The following CFAP54 variants were observed in gnomAD, a reference collection of about 807,000 sequenced individuals.
The protein encoded by CFAP54 is cilia- and flagella-associated protein 54.
Under a neutral mutation model 370.4 loss-of-function variants are expected in CFAP54, and 290 were observed. That is an observed-to-expected ratio of 0.78 (90% CI 0.71 to 0.86). The LOEUF (loss-of-function observed/expected upper bound fraction) is 0.86. Ranked by LOEUF, CFAP54 falls within the 40% of genes least tolerant of loss-of-function variation. The probability of loss-of-function intolerance (pLI) is 0.00; values close to 1 mark genes in which losing one functional copy is unlikely to be tolerated. For synonymous variants in CFAP54, 1,206 were observed against 1,236.5 expected (o/e 0.98, Z 0.52); for missense variants, 3,399 against 3,528.7 (o/e 0.96, Z 0.93).
At chr12:96,820,712 G>T (rs1432445268) in intron 65 of CFAP54, among the ~76,000 whole-genome samples, 1 of 152,056 alleles carries the variant, frequency 6.6e-6, no homozygotes, top group Admixed American at 6.6e-5. Context: ...TCTCAAACTT[G>T]GGAGGTTTTA....
intron 35 of CFAP54, 144 bp downstream of exon 35, chr12:96,650,216 A>G: frequency 1.4e-6 from 1 of 726,022 alleles, no homozygotes; most frequent in East Asian, 2.8e-5. Context: ...GGTGTATCCT[A>G]AGTCACTTTT....
At chr12:96,604,829 G>A (rs1956283983) in intron 26 of CFAP54, among the ~76,000 whole-genome samples, 1 of 152,216 alleles carries the variant, frequency 6.6e-6, no homozygotes, top group African/African-American at 2.4e-5. Flanking sequence ...AAAGACCATG[G>A]GAAAAGCGCA....
chr12:96,667,489 G>T (rs1957095387), intron 39 of CFAP54, among the ~76,000 whole-genome samples: 1 of 152,208 alleles, frequency 6.6e-6, no homozygotes, highest in Admixed American at 6.5e-5. Context: ...TCAACACCAT[G>T]TGGAAACTTC....
At chr12:96,619,101 C>G (rs1169883498) in intron 26 of CFAP54, among the ~76,000 whole-genome samples, 1 of 152,128 alleles carries the variant, frequency 6.6e-6, no homozygotes, top group Non-Finnish European at 1.5e-5. Context: ...TGAGCTCATG[C>G]AATCCACCTG....
In CFAP54 at chr12:96,817,867, T is replaced by A; in HGVS notation, c.9050T>A (p.Ile3017Lys). 6.6e-7 allele frequency: 1 copy of A among 1,511,746 alleles called. No homozygotes were observed. Among genetic ancestry groups the A allele is most frequent in the Non-Finnish European group, 8.8e-7 (1 of 1,133,490 alleles). The allele number at this position is 1,511,746 out of a possible 1,614,324, so 93.6% of individuals were successfully genotyped here. ...CCTGAAATTACCTCAAATGAAAACA[T>A]ATATGAAGTAGAAGTGGAAGAGGAA... ...AAPEITSNEN[I>K]YEVEVEEESV... The change falls in exon 65 of 68, where the codon ATA becomes AAA. Residue 3017 changes from isoleucine to lysine, a missense_variant. Coordinates refer to ENST00000524981, the MANE Select transcript of CFAP54 (RefSeq NM_001306084.2).
chr12:96,578,283 A>C (rs1181418818), intron 20 of CFAP54, among the ~76,000 whole-genome samples: 1 of 152,188 alleles, frequency 6.6e-6, no homozygotes, highest in African/African-American at 2.4e-5. Context: ...CAACCTTCAT[A>C]GTGCTTTATA....
chr12:96,514,009 A>G (rs902577850), intron 5 of CFAP54, among the ~76,000 whole-genome samples: 2 of 152,194 alleles, frequency 1.3e-5, no homozygotes, highest in African/African-American at 4.8e-5. Flanking sequence ...TGACACTTCT[A>G]TTGACTTCCC....
At chr12:96,503,823 T>C (rs1041011372) in intron 2 of CFAP54, 63 bp from the exon 3 acceptor site, 5 of 1,267,146 alleles carry the variant, frequency 3.9e-6, no homozygotes, top group Non-Finnish European at 5.3e-6. Flanking sequence ...ATATGAATAT[T>C]ACCTAATAAT....
At chr12:96,769,979 T>C (rs1958443585) in intron 60 of CFAP54, among the ~76,000 whole-genome samples, 1 of 152,216 alleles carries the variant, frequency 6.6e-6, no homozygotes, top group African/African-American at 2.4e-5. Flanking sequence ...CATACCACCT[T>C]GCACCTGGTG....
At chr12:96,702,563 TAA>T (rs3065905) in intron 46 of CFAP54, among the ~76,000 whole-genome samples, 132,093 of 152,154 alleles carry the variant, frequency 0.87, 57,678 homozygotes, top group African/African-American at 0.95. Flanking sequence ...CTGAAATAAA[TAA>T]AAACAAAAGT....
chr12:96,503,233 C>G (rs1281055681), intron 2 of CFAP54, among the ~76,000 whole-genome samples: 4 of 121,434 alleles, frequency 3.3e-5, no homozygotes, highest in African/African-American at 1.3e-4. Context: ...TTTTTCCTTC[C>G]TTTCTTTCTC....
At chr12:96,556,526 T>C (rs1302482775) in intron 17 of CFAP54, among the ~76,000 whole-genome samples, 1 of 152,104 alleles carries the variant, frequency 6.6e-6, no homozygotes, top group Admixed American at 6.6e-5. Context: ...ACAACACAAA[T>C]ATGTTATCTT....
At chr12:96,693,118 G>T (rs78519725) in intron 44 of CFAP54, among the ~76,000 whole-genome samples, 2 of 152,142 alleles carry the variant, frequency 1.3e-5, no homozygotes. Context: ...ATTATGAGAA[G>T]AGTAAGCTTG....
At chr12:96,672,704 C>G (rs1387882842) in intron 39 of CFAP54, among the ~76,000 whole-genome samples, 1 of 152,156 alleles carries the variant, frequency 6.6e-6, no homozygotes, top group Non-Finnish European at 1.5e-5. Flanking sequence ...TTGAGCTTGT[C>G]TGTGAAACCT....
intron 50 of CFAP54, among the ~76,000 whole-genome samples, chr12:96,731,667 A>C (rs1385981518): frequency 6.6e-6 from 1 of 152,184 alleles, no homozygotes; most frequent in Non-Finnish European, 1.5e-5. Context: ...GATTGGTAGA[A>C]ATACTAAAAA....
At chr12:96,582,517 T>C (rs1956042022) in intron 22 of CFAP54, among the ~76,000 whole-genome samples, 1 of 152,158 alleles carries the variant, frequency 6.6e-6, no homozygotes, top group Non-Finnish European at 1.5e-5. Context: ...CTAGGATTTG[T>C]CTAGTATTGG....
chr12:96,811,252 G>C (rs749937478), intron 63 of CFAP54, among the ~76,000 whole-genome samples: 5 of 152,194 alleles, frequency 3.3e-5, no homozygotes, highest in Non-Finnish European at 5.9e-5. Flanking sequence ...ACTAGAGCAT[G>C]AATCATCAAG....
At chr12:96,810,361 G>A (rs1284317558) in intron 63 of CFAP54, among the ~76,000 whole-genome samples, 5 of 151,890 alleles carry the variant, frequency 3.3e-5, no homozygotes, top group African/African-American at 9.7e-5. Flanking sequence ...GTGTACTTAC[G>A]CCTTTTAAAA....
chr12:96,546,355 AGTTT>A (rs2136393048), intron 14 of CFAP54, among the ~76,000 whole-genome samples: 1 of 152,244 alleles, frequency 6.6e-6, no homozygotes, highest in South Asian at 2.1e-4. Flanking sequence ...AGGGAAAAAT[AGTTT>A]GTTTTTTTCT....
Sources: allele counts gnomAD v4.1 joint callset (sites outside exome capture counted in the v4.1 genomes callset), GRCh38; gene constraint gnomAD v4.1.1; transcripts MANE v1.5; gene names NCBI Gene and HGNC (gene_info 2026-07-23, HGNC 2026-07-21).